RFC3: variants seen among roughly 807,000 people sequenced by gnomAD.
RFC3 encodes replication factor C subunit 3, also known as A1 38 kDa subunit.
A neutral mutation model predicts 45.1 loss-of-function variants in RFC3; 41 were observed. That is an observed-to-expected ratio of 0.91 (90% CI 0.71 to 1.18). RFC3 has a LOEUF of 1.18. Among genes scored for constraint, RFC3 ranks in the 50% most tolerant of loss-of-function variants. The pLI is 0.00. For synonymous variants in RFC3, 149 were observed against 144.0 expected, an observed-to-expected ratio of 1.03 and a Z score of -0.25; for missense variants, 423 against 428.1, an observed-to-expected ratio of 0.99 and a Z score of 0.10.
chr13:33,842,645 G>C (rs1466766121), intron 8 of RFC3, among the ~76,000 whole-genome samples: 1 of 152,110 alleles, frequency 6.6e-6, no homozygotes, highest in Non-Finnish European at 1.5e-5. Context: ...GCCAAATGTA[G>C]GGTGGGAAGG....
chr13:33,941,561 A>G (rs2082924043), intron 8 of RFC3, among the ~76,000 whole-genome samples: 1 of 152,160 alleles, frequency 6.6e-6, no homozygotes, highest in Non-Finnish European at 1.5e-5. Flanking sequence ...TTTTGGCACC[A>G]TAAATATATA....
downstream of RFC3, among the ~76,000 whole-genome samples, chr13:33,966,951 G>C (rs1185744000): frequency 6.6e-6 from 1 of 152,096 alleles, no homozygotes; most frequent in African/African-American, 2.4e-5. Flanking sequence ...GAGCTCAGGA[G>C]TTCAAGACCA....
chr13:33,823,394 A>G (rs908301949), intron 2 of RFC3, among the ~76,000 whole-genome samples: 7 of 152,184 alleles, frequency 4.6e-5, no homozygotes, highest in Non-Finnish European at 7.4e-5. Flanking sequence ...GTCCATCAGT[A>G]TGACCAGCTT....
At chr13:33,953,965 A>G (rs1367701432) in intron 8 of RFC3, among the ~76,000 whole-genome samples, 1 of 152,246 alleles carries the variant, frequency 6.6e-6, no homozygotes. Flanking sequence ...TAGGTGTTGC[A>G]TAACTCTGAA....
intron 7 of RFC3, among the ~76,000 whole-genome samples, chr13:33,833,983 TAAGA>T (rs2082126576): frequency 6.6e-6 from 1 of 152,066 alleles, no homozygotes; most frequent in Non-Finnish European, 1.5e-5. Context: ...GACTTTGGAG[TAAGA>T]AAGATAGATC....
intron 8 of RFC3, among the ~76,000 whole-genome samples, chr13:33,938,510 G>A (rs994246430): frequency 2.0e-5 from 3 of 151,868 alleles, no homozygotes; most frequent in Admixed American, 6.6e-5. Context: ...TTAACACTAT[G>A]GTGTTAAAAA....
the RFC3 span, among the ~76,000 whole-genome samples, chr13:33,972,205 A>G: frequency 6.6e-6 from 1 of 152,170 alleles, no homozygotes; most frequent in African/African-American, 2.4e-5. Flanking sequence ...ATGTTTTTGA[A>G]CTTTTTTTTC....
chr13:33,848,577 T>G (rs2082255108), intron 8 of RFC3: 1 of 152,186 alleles, frequency 6.6e-6, no homozygotes, highest in Non-Finnish European at 1.5e-5. Flanking sequence ...GTGTAAACCT[T>G]TAGCATGTAA....
rs1048569456 is a variant in RFC3, at chr13:33,926,500, A to G, written c.880-39587A>G. On this transcript the variant is annotated intron_variant, in intron 8 of 8. Transcript: ENST00000434425. Reference sequence around the variant, plus strand: ...ATTATAAATATTCTTATCTAGCTACATGTATTTGTTTATGTATTAGCCCAT... The same window carrying G: ...ATTATAAATATTCTTATCTAGCTACGTGTATTTGTTTATGTATTAGCCCAT... Among the ~76,000 whole-genome samples the G allele has an allele frequency of 4.6e-5, 7 of 152,104 alleles. 1 individual carries two copies. Among genetic ancestry groups the G allele is most frequent in the South Asian group, 2.1e-4 (1 of 4,836 alleles).
intron 8 of RFC3, among the ~76,000 whole-genome samples, chr13:33,931,509 C>T (rs576273212): frequency 6.6e-6 from 1 of 151,990 alleles, no homozygotes; most frequent in East Asian, 1.9e-4. Flanking sequence ...GGTGTAGACT[C>T]ATATCATGAG....
intron 8 of RFC3, among the ~76,000 whole-genome samples, chr13:33,876,338 C>T (rs2082446513): frequency 6.6e-6 from 1 of 152,174 alleles, no homozygotes; most frequent in Admixed American, 6.5e-5. Context: ...AAAAGCACCC[C>T]TGACTCAATT....
intron 8 of RFC3, among the ~76,000 whole-genome samples, chr13:33,858,701 A>C (rs1394813546): frequency 6.6e-6 from 1 of 152,232 alleles, no homozygotes; most frequent in Non-Finnish European, 1.5e-5. Flanking sequence ...TGCACTGATT[A>C]ATTTTTTTTA....
chr13:33,963,270 A>C (rs1362873622), intron 8 of RFC3, among the ~76,000 whole-genome samples: 1 of 152,192 alleles, frequency 6.6e-6, no homozygotes, highest in Non-Finnish European at 1.5e-5. Context: ...ACAAGATAAA[A>C]AGATCTAGGG....
intron 8 of RFC3, among the ~76,000 whole-genome samples, chr13:33,891,281 C>A (rs572678969): frequency 1.3e-4 from 20 of 152,252 alleles, no homozygotes; most frequent in African/African-American, 4.8e-4. Flanking sequence ...ATAGAAGCAA[C>A]TCTACCAACC....
At chr13:33,902,911 A>G (rs1306327598) in intron 8 of RFC3, among the ~76,000 whole-genome samples, 1 of 140,230 alleles carries the variant, frequency 7.1e-6, no homozygotes, top group African/African-American at 3.2e-5. Context: ...ATAGCTGATG[A>G]GCTAAAAAAA....
Position 33,837,114 on chromosome 13 carries a change from T to A in RFC3, c.*819T>A, listed in dbSNP as rs2082162245. The A allele has an allele frequency of 3.4e-6, 3 of 887,682 alleles. No individual in the cohort carries two copies. Among genetic ancestry groups the A allele is most frequent in the African/African-American group, 3.6e-5 (2 of 55,228 alleles). 55.0% of individuals were successfully genotyped at this position (887,682 alleles called of 1,614,324 possible). ...ACGAAGTATAATTTATAAAATAAAA[T>A]ATACCCATTTTAAGGGTACAGTTTG... On this transcript the variant is annotated 3_prime_UTR_variant, in exon 9 of 9. Transcript: ENST00000380071.
chr13:33,835,113 T>G, intron 7 of RFC3, 35 bp from the exon 8 acceptor site: 1 of 1,433,462 alleles, frequency 7.0e-7, no homozygotes, highest in Non-Finnish European at 9.7e-7. Flanking sequence ...CCTCTTATTT[T>G]CTTCACAAAA....
At chr13:33,966,225 C>T (rs141614786) in exon 9 of RFC3, 28 of 876,956 alleles carry the variant, frequency 3.2e-5, no homozygotes, top group Non-Finnish European at 4.6e-5. Flanking sequence ...TGTCCTGACA[C>T]CTGCTTCAGA....
At chr13:33,843,344 A>G (rs937868190) in intron 8 of RFC3, among the ~76,000 whole-genome samples, 2 of 152,214 alleles carry the variant, frequency 1.3e-5, no homozygotes, top group East Asian at 1.9e-4. Context: ...AGTGGTCTCC[A>G]CAAACCTCAG....
Sources: allele counts gnomAD v4.1 joint callset (sites outside exome capture counted in the v4.1 genomes callset), GRCh38; gene constraint gnomAD v4.1.1; transcripts MANE v1.5; gene names NCBI Gene and HGNC (gene_info 2026-07-23, HGNC 2026-07-21).